The following SLC25A47 variants were observed in gnomAD, a reference collection of about 807,000 sequenced individuals.
SLC25A47 encodes HCC-down-regulated mitochondrial carrier protein.
In SLC25A47, 30 loss-of-function variants were observed where a neutral mutation model predicts 29.8. That is an observed-to-expected ratio of 1.01 (90% CI 0.75 to 1.36). The LOEUF (loss-of-function observed/expected upper bound fraction) is 1.36, where lower values mean the gene tolerates loss of function less well. Ranked by LOEUF, SLC25A47 falls within the 40% of genes most tolerant of loss-of-function variation. The pLI is 0.00. For missense variants in SLC25A47, 430 were observed against 441.9 expected (o/e 0.97, Z 0.24); for synonymous variants, 204 against 197.8 (o/e 1.03, Z -0.26).
chr14:100,326,934 A>G (rs936726585), intron 3 of SLC25A47, among the ~76,000 whole-genome samples: 2 of 152,010 alleles, frequency 1.3e-5, no homozygotes, highest in Non-Finnish European at 2.9e-5. Flanking sequence ...AGATCGTGCC[A>G]CTGCACTCCA....
At chr14:100,324,570 C>T (rs1248918035) in intron 1 of SLC25A47, among the ~76,000 whole-genome samples, 1 of 152,210 alleles carries the variant, frequency 6.6e-6, no homozygotes, top group African/African-American at 2.4e-5. Flanking sequence ...CAGCCTGGGG[C>T]CAGCCGCTCC....
chr14:100,329,451 C>A lies in SLC25A47; in HGVS notation c.733C>A (p.Leu245Met), dbSNP rs535855745. The stretch of plus-strand genomic sequence containing the variant: ...CCCCATGGACGTGATCAAGTCGAGA[C>A]TGCAGGCAGACGGGCAGGGCCAGAG... ...ATPMDVIKSR[L>M]QADGQGQRRY... The change falls in exon 6 of 6, where the codon CTG (leucine) becomes ATG (methionine). Residue 245 changes from leucine (L) to methionine (M), a missense_variant. Leu to Met is a conservative substitution (Grantham distance 15, BLOSUM62 2). Coordinates refer to ENST00000361529, the MANE Select transcript of SLC25A47 (RefSeq NM_207117.4). 1 of 1,613,502 alleles carries A rather than the reference C, an allele frequency of 6.2e-7. No individual in the cohort carries two copies. Among genetic ancestry groups the A allele is most frequent in the African/African-American group, 1.3e-5 (1 of 75,060 alleles).
At chr14:100,328,260 C>CTACTACA (rs1893376984) in intron 4 of SLC25A47, among the ~76,000 whole-genome samples, 1 of 152,006 alleles carries the variant, frequency 6.6e-6, no homozygotes, top group Non-Finnish European at 1.5e-5. Context: ...TACAGGCACG[C>CTACTACA]GCCACCAAGC....
At position 100,328,756 on chromosome 14, in the gene SLC25A47, A is replaced by G. The variant is rs770380201; in HGVS notation, c.358A>G (p.Lys120Glu). The G allele has an allele frequency of 2.5e-6, 4 of 1,612,904 alleles. No individual in the cohort carries two copies. The African/African-American group carries it at 5.3e-5, about 22-fold the overall frequency. The change falls in exon 5 of 6, where the codon AAA becomes GAA. Residue 120 changes from lysine (K) to glutamate (E), a missense_variant. Lys to Glu is a moderately conservative substitution (Grantham distance 56, BLOSUM62 1). Coordinates refer to ENST00000361529, the MANE Select transcript of SLC25A47 (RefSeq NM_207117.4). ...VFLTSPTEVAKVRLQTQTQAQ... is the reference protein window; with the variant it reads ...VFLTSPTEVAEVRLQTQTQAQ... ...CCTGACGTCGCCCACTGAGGTGGCC[A>G]AAGTCCGCTTGCAGACGCAGACACA...
intron 1 of SLC25A47, among the ~76,000 whole-genome samples, chr14:100,323,977 C>T (rs1893293897): frequency 6.6e-6 from 1 of 152,156 alleles, no homozygotes; most frequent in Non-Finnish European, 1.5e-5. Context: ...CTGGAGAAAC[C>T]GTTCTCCCTC....
chr14:100,327,329 G>A lies in SLC25A47; in HGVS notation c.286G>A (p.Ala96Thr). The change falls in exon 4 of 6, where the codon GCC (alanine) becomes ACC (threonine). Residue 96 changes from alanine to threonine, a missense_variant. Transcript: ENST00000361529. ...YGNPDAKPTK[A>T]DITLSGCASG... is the part of the protein sequence containing the mutation. Reference sequence around the variant, plus strand: ...CAACCCTGACGCCAAGCCCACCAAGGCCGACATCACGCTCTCGGGATGCGC... The same window carrying A: ...CAACCCTGACGCCAAGCCCACCAAGACCGACATCACGCTCTCGGGATGCGC... The A allele has an allele frequency of 6.2e-7, 1 of 1,602,046 alleles. No individual in the cohort carries two copies.
intron 1 of SLC25A47, among the ~76,000 whole-genome samples, chr14:100,324,553 T>A (rs1595388089): frequency 6.6e-6 from 1 of 152,182 alleles, no homozygotes; most frequent in Non-Finnish European, 1.5e-5. Context: ...CAGCCCCAGC[T>A]AGGTGCCAGC....
Position 100,323,370 on chromosome 14 carries a change from C to A in SLC25A47, c.-45C>A, listed in dbSNP as rs768155598. On this transcript the variant is annotated 5_prime_UTR_variant, in exon 1 of 6. Coordinates refer to ENST00000361529, the MANE Select transcript of SLC25A47 (RefSeq NM_207117.4). ...GAGGCCACCCTGGTGGCACCAAAGC[C>A]CTCTCAGGCAGGCAGACCCAGGGCC... 6.2e-7 allele frequency: 1 copy of A among 1,611,368 alleles called. No homozygotes were observed. The highest frequency in any genetic ancestry group is 8.5e-7 in the Non-Finnish European group (1 of 1,179,208).
In SLC25A47 at chr14:100,325,824, C is replaced by T. The variant is rs375441977; in HGVS notation, c.65C>T (p.Thr22Met). The T allele has an allele frequency of 6.8e-5, 109 of 1,612,304 alleles. No individual in the cohort carries two copies. Among genetic ancestry groups the T allele is most frequent in the Non-Finnish European group, 8.2e-5 (97 of 1,179,210 alleles). ...CGVAVGYPLD[T>M]VKVRIQTEPK... The stretch of plus-strand genomic sequence containing the variant: ...GTTGCTGTGGGCTACCCCCTGGACA[C>T]GGTGAAGGTGCGGCAATAGCCAGCC... The change falls in exon 2 of 6, where the codon ACG becomes ATG. Residue 22 changes from threonine to methionine, a missense_variant. By Grantham distance (81) the Thr-to-Met change is moderately conservative (BLOSUM62 -1). Coordinates refer to ENST00000361529, the MANE Select transcript of SLC25A47 (RefSeq NM_207117.4).
chr14:100,325,174 G>A (rs544788708), intron 1 of SLC25A47, among the ~76,000 whole-genome samples: 2 of 152,314 alleles, frequency 1.3e-5, no homozygotes, highest in South Asian at 2.1e-4. Flanking sequence ...CTTGGATGTT[G>A]AGGCCTGGCA....
intron 4 of SLC25A47, among the ~76,000 whole-genome samples, chr14:100,327,796 G>T (rs8009201): frequency 0.028 from 4,296 of 152,324 alleles, 201 homozygotes; most frequent in African/African-American, 0.099. Context: ...TGCGGTGCCC[G>T]CCTGCCCTCA....
intron 4 of SLC25A47, 24 bp from the exon 5 acceptor site, chr14:100,328,702 C>G (rs201052447): frequency 3.2e-5 from 51 of 1,611,412 alleles, no homozygotes; most frequent in Non-Finnish European, 4.2e-5. Context: ...AGGTGGCTGA[C>G]CCCTGCTTCC....
At position 100,329,714 on chromosome 14, in the gene SLC25A47, G is replaced by T; in HGVS notation, c.*69G>T. ...GGTCGTAGTGGCTGGAGGAGGCAAG[G>T]GGTAGTGTGGCTGGGTTCGGGACCC... On this transcript the variant is annotated 3_prime_UTR_variant, in exon 6 of 6. Coordinates refer to ENST00000361529, the MANE Select transcript of SLC25A47 (RefSeq NM_207117.4). 1 of 1,544,958 alleles carries T rather than the reference G, an allele frequency of 6.5e-7. No individual in the cohort carries two copies. The highest frequency in any genetic ancestry group is 8.7e-7 in the Non-Finnish European group (1 of 1,147,662).
At position 100,329,039 on chromosome 14, in the gene SLC25A47, G is replaced by C. The variant is rs113864524; in HGVS notation, c.641G>C (p.Arg214Pro). 1.3e-6 allele frequency: 2 copies of C among 1,598,702 alleles called. No homozygotes were observed. The highest frequency in any genetic ancestry group is 1.7e-5 in the Admixed American group (1 of 59,868). Residue 214 changes from arginine to proline, a missense_variant, in exon 5 of 6, where the codon CGG becomes CCG. Arg to Pro is a moderately radical substitution (Grantham distance 103). Transcript: ENST00000361529. ...CEWLSPAGHS[R>P]PDVPGVLVAG... Reference sequence around the variant, plus strand: ...TGGCTCAGCCCCGCTGGCCACAGCCGGCCAGGTGAGCAGGGGCTGGAACCT... The same window carrying C: ...TGGCTCAGCCCCGCTGGCCACAGCCCGCCAGGTGAGCAGGGGCTGGAACCT...
intron 5 of SLC25A47, 71 bp from the exon 6 acceptor site, chr14:100,329,294 G>T: frequency 6.6e-7 from 1 of 1,509,164 alleles, no homozygotes; most frequent in Non-Finnish European, 8.8e-7. Context: ...GGCCGGAAGC[G>T]TGAGTCCAGG....
At position 100,329,096 on chromosome 14, in the gene SLC25A47, G is replaced by T. The variant is rs771163336; in HGVS notation, c.646+52G>T. On this transcript the variant is annotated intron_variant, in intron 5 of 5. Coordinates refer to ENST00000361529, the MANE Select transcript of SLC25A47 (RefSeq NM_207117.4). ...GCGGGGAGCCCAGAAGGATGAGGAGGTCAAGGTGAGGTCGTGCTGCCCGCC... is the reference window on the plus strand; with the variant it reads ...GCGGGGAGCCCAGAAGGATGAGGAGTTCAAGGTGAGGTCGTGCTGCCCGCC... 1.1e-5 allele frequency: 17 copies of T among 1,569,554 alleles called. No individual in the cohort carries two copies. The African/African-American group carries it at 1.8e-4, about 16-fold the overall frequency.
In SLC25A47 at chr14:100,329,527, G is replaced by A; in HGVS notation, c.809G>A (p.Gly270Glu). 2 of 1,613,562 alleles carry A rather than the reference G, an allele frequency of 1.2e-6. No individual in the cohort carries two copies. Among genetic ancestry groups the A allele is most frequent in the Non-Finnish European group, 1.7e-6 (2 of 1,180,014 alleles). The change falls in exon 6 of 6, where the codon GGA becomes GAA. Residue 270 changes from glycine (G) to glutamate (E), a missense_variant. Physicochemically the swap from Gly to Glu is moderately conservative, Grantham distance 98. Transcript: ENST00000361529. ...ATGGTGACCAGCGTTCGAGAGGAGGGACCCCGGGTCCTTTTCAAGGGGCTG... is the reference window on the plus strand; with the variant it reads ...ATGGTGACCAGCGTTCGAGAGGAGGAACCCCGGGTCCTTTTCAAGGGGCTG... ...HCMVTSVREE[G>E]PRVLFKGLVL...
Position 100,328,841 on chromosome 14 carries a change from G to A in SLC25A47, c.443G>A (p.Cys148Tyr). ...ASGPLAVPPM[C>Y]PVPPACPEPK... Reference sequence around the variant, plus strand: ...GGGCCGTTGGCTGTGCCCCCCATGTGTCCTGTGCCCCCAGCCTGCCCAGAG... The same window carrying A: ...GGGCCGTTGGCTGTGCCCCCCATGTATCCTGTGCCCCCAGCCTGCCCAGAG... The change falls in exon 5 of 6, where the codon TGT (cysteine) becomes TAT (tyrosine). Residue 148 changes from cysteine (C) to tyrosine (Y), a missense_variant. Physicochemically the swap from Cys to Tyr is radical, Grantham distance 194. Coordinates refer to ENST00000361529, the MANE Select transcript of SLC25A47 (RefSeq NM_207117.4). 6.2e-7 allele frequency: 1 copy of A among 1,612,514 alleles called. No individual in the cohort carries two copies. The highest frequency in any genetic ancestry group is 8.5e-7 in the Non-Finnish European group (1 of 1,179,762).
intron 5 of SLC25A47, 43 bp from the exon 6 acceptor site, chr14:100,329,321 GC>G: frequency 6.5e-7 from 1 of 1,545,918 alleles, no homozygotes. Flanking sequence ...TGCCCTGGGC[GC>G]CCCGATCAGG....
Sources: gnomAD v4.1 joint callset for allele counts (sites outside exome capture counted in the v4.1 genomes callset) on GRCh38, gnomAD v4.1.1 for gene constraint, MANE v1.5 for transcripts, NCBI Gene and HGNC (gene_info 2026-07-23, HGNC 2026-07-21) for gene names.